SFXN1: variants seen among roughly 807,000 people sequenced by gnomAD.
SFXN1 encodes sideroflexin-1.
Under a neutral mutation model 39.5 loss-of-function variants are expected in SFXN1, and 32 were observed. The observed-to-expected ratio is 0.81, with a 90% CI of 0.61 to 1.09. The LOEUF is 1.09. SFXN1 is among the 50% of genes least tolerant of loss of function. The pLI is 0.00. For missense variants in SFXN1, 402 were observed against 407.1 expected (o/e 0.99, Z 0.11); for synonymous variants, 136 against 146.5 (o/e 0.93, Z 0.52).
intron 7 of SFXN1, chr5:175,513,808 G>A: frequency 2.2e-6 from 1 of 444,936 alleles, no homozygotes; most frequent in Non-Finnish European, 4.2e-6. Flanking sequence ...GGGCAGCCGG[G>A]GAAGAGCACT....
intron 4 of SFXN1, among the ~76,000 whole-genome samples, chr5:175,510,551 C>T (rs1277361330): frequency 6.6e-6 from 1 of 152,108 alleles, no homozygotes; most frequent in African/African-American, 2.4e-5. Context: ...CAGGCTGTTC[C>T]GCCATCTACC....
chr5:175,480,379 C>T (rs1015421275), intron 1 of SFXN1, among the ~76,000 whole-genome samples: 1 of 151,204 alleles, frequency 6.6e-6, no homozygotes, highest in East Asian at 1.9e-4. Context: ...CCAGCCTGGG[C>T]GACAGAGCAA....
intron 1 of SFXN1, among the ~76,000 whole-genome samples, chr5:175,481,284 A>G (rs1030975907): frequency 5.9e-5 from 9 of 152,180 alleles, no homozygotes; most frequent in South Asian, 2.1e-4. Context: ...AATATGAGCA[A>G]TGGTTGTAAT....
At chr5:175,512,223 G>T in intron 6 of SFXN1, 27 bp downstream of exon 6, 1 of 1,589,180 alleles carries the variant, frequency 6.3e-7, no homozygotes, top group South Asian at 1.1e-5. Context: ...CTCTTAGTAG[G>T]GACATGTGCT....
chr5:175,511,988 TG>T (rs1457653429), intron 5 of SFXN1, 122 bp from the exon 6 acceptor site: 7 of 854,024 alleles, frequency 8.2e-6, no homozygotes, highest in Non-Finnish European at 1.3e-5. Context: ...AAAGCATTCT[TG>T]GCCTGAGTTT....
At chr5:175,526,598 C>G (rs1036165866) in intron 10 of SFXN1, 40 bp from the exon 11 acceptor site, 38 of 1,545,088 alleles carry the variant, frequency 2.5e-5, no homozygotes, top group Non-Finnish European at 3.4e-5. Context: ...ATTCTCACCT[C>G]TGCCTGTGTA....
chr5:175,526,916 T>C lies in SFXN1; in HGVS notation c.*182T>C. On this transcript the variant is annotated 3_prime_UTR_variant, in exon 11 of 11. Transcript: ENST00000321442. ...CACCTGGCGTGGGCCAAGTGCCTGA[T>C]ACTCCCTTACACTGAATCATGTTAT... The C allele has an allele frequency of 1.6e-6, 1 of 609,116 alleles. No homozygotes were observed. The highest frequency in any genetic ancestry group is 2.9e-6 in the Non-Finnish European group (1 of 341,866). The allele number at this position is 609,116 out of a possible 1,614,324, so 37.7% of individuals were successfully genotyped here.
At chr5:175,504,003 C>CAAAAAAAAA (rs56776430) in intron 2 of SFXN1, among the ~76,000 whole-genome samples, 1 of 51,986 alleles carries the variant, frequency 1.9e-5, no homozygotes, top group Non-Finnish European at 4.1e-5. Context: ...CACTCCATCT[C>CAAAAAAAAA]AAAAAAAAAA....
chr5:175,483,039 A>C (rs1251761388), intron 1 of SFXN1, among the ~76,000 whole-genome samples: 2 of 152,234 alleles, frequency 1.3e-5, no homozygotes, highest in African/African-American at 4.8e-5. Context: ...TGAATAAATA[A>C]AAAGACTTTG....
At chr5:175,509,421 C>T (rs976495642) in intron 3 of SFXN1, 1 of 335,274 alleles carries the variant, frequency 3.0e-6, no homozygotes, top group African/African-American at 2.1e-5. Context: ...AAATTGAAGA[C>T]AATAAAAAAC....
In SFXN1 at chr5:175,527,677, A is replaced by C. The variant is rs1230988284; in HGVS notation, c.*943A>C. 3 of 152,116 alleles carry C rather than the reference A, an allele frequency of 2.0e-5. No homozygotes were observed. Among genetic ancestry groups the C allele is most frequent in the African/African-American group, 7.2e-5 (3 of 41,412 alleles). The allele number at this position is 152,116 out of a possible 1,614,324, so 9.4% of individuals were successfully genotyped here. A position where few individuals can be genotyped will look rare whatever the true frequency, so the allele number is the denominator to read the frequency against. On this transcript the variant is annotated 3_prime_UTR_variant, in exon 11 of 11. Coordinates refer to ENST00000321442, the MANE Select transcript of SFXN1 (RefSeq NM_022754.7). The stretch of plus-strand genomic sequence containing the variant: ...TTGGCTTTCAGAAAGATACAGTGAT[A>C]ATGTGTGTATGAATCAGTCACAATG...
At chr5:175,514,099 A>G (rs990255769) in intron 7 of SFXN1, among the ~76,000 whole-genome samples, 1 of 152,078 alleles carries the variant, frequency 6.6e-6, no homozygotes, top group African/African-American at 2.4e-5. Flanking sequence ...CTTAGGTTTT[A>G]TCTGTGTGAC....
rs576390782 is a variant in SFXN1 at position 175,529,360 on chromosome 5, T to C, written c.*2626T>C. ...TCTCAAAAAAAAAAAAAAGAGATTA[T>C]AAAAGGGATGATGAACATGGAGCTG... On this transcript the variant is annotated 3_prime_UTR_variant, in exon 11 of 11. Transcript: ENST00000321442. The C allele has an allele frequency of 6.6e-6, 1 of 152,068 alleles. No individual in the cohort carries two copies. The highest frequency in any genetic ancestry group is 1.9e-4 in the East Asian group (1 of 5,172). The allele number at this position is 152,068 out of a possible 1,614,324, so 9.4% of individuals were successfully genotyped here. A position where few individuals can be genotyped will look rare whatever the true frequency, so the allele number is the denominator to read the frequency against.
At chr5:175,507,984 A>AT (rs1760372611) in intron 2 of SFXN1, among the ~76,000 whole-genome samples, 2 of 137,442 alleles carry the variant, frequency 1.5e-5, no homozygotes, top group Non-Finnish European at 3.2e-5. Context: ...AAAAAAAAAA[A>AT]AAAAAAAATT....
intron 2 of SFXN1, among the ~76,000 whole-genome samples, chr5:175,494,798 A>G (rs1377016674): frequency 6.6e-6 from 1 of 152,172 alleles, no homozygotes; most frequent in Non-Finnish European, 1.5e-5. Context: ...AGTGCATCAA[A>G]CATAAACTCT....
chr5:175,521,719 C>T (rs929726458), intron 8 of SFXN1, among the ~76,000 whole-genome samples, 200 bp from the exon 9 acceptor site: 2 of 152,288 alleles, frequency 1.3e-5, no homozygotes, highest in South Asian at 2.1e-4. Context: ...TTGATCTTTG[C>T]GTGTGTGCTG....
rs374528443 is a variant in SFXN1 at position 175,495,903 on chromosome 5, C to CT, written c.164+3650dup. 9.1e-3 allele frequency among the ~76,000 whole-genome samples: 1,282 copies of CT among 141,090 alleles called. 12 individuals are homozygous for CT. The highest frequency in any genetic ancestry group is 0.015 in the Non-Finnish European group (937 of 64,446). The allele number at this position is 141,090 out of a possible 152,430, so 92.6% of individuals were successfully genotyped here. A position where few individuals can be genotyped will look rare whatever the true frequency, so the allele number is the denominator to read the frequency against. On this transcript the variant is annotated intron_variant, in intron 2 of 10. Transcript: ENST00000321442. ...ATAGAATAAAAGAGATTAAAAGTGG[C>CT]TTTTTTTTTTTTTTGAGACGGAGTT...
chr5:175,512,432 G>A (rs1282358354), intron 6 of SFXN1, among the ~76,000 whole-genome samples: 1 of 152,084 alleles, frequency 6.6e-6, no homozygotes, highest in Non-Finnish European at 1.5e-5. Flanking sequence ...GCGGGGAGGG[G>A]GCTGATGCTG....
intron 1 of SFXN1, among the ~76,000 whole-genome samples, chr5:175,491,042 C>G (rs781076369): frequency 3.4e-4 from 51 of 152,130 alleles, no homozygotes; most frequent in Non-Finnish European, 6.9e-4. Flanking sequence ...TTTCGGAATA[C>G]CACAGTGAGC....
Sources: gnomAD v4.1 joint callset for allele counts (sites outside exome capture counted in the v4.1 genomes callset) on GRCh38, gnomAD v4.1.1 for gene constraint, MANE v1.5 for transcripts, NCBI Gene and HGNC (gene_info 2026-07-23, HGNC 2026-07-21) for gene names.